Variants in CDH23 observed in about 807,000 individuals in gnomAD.
CDH23 encodes cadherin-23.
Under a neutral mutation model 317.1 loss-of-function variants are expected in CDH23, and 189 were observed. The ratio of observed to expected loss-of-function variants is 0.60; its 90% CI spans 0.53 to 0.67. CDH23 has a LOEUF of 0.67. Ranked by LOEUF, CDH23 falls within the 30% of genes least tolerant of loss-of-function variation. The pLI, the probability that CDH23 is intolerant of heterozygous loss-of-function variation, is 0.00. For synonymous variants in CDH23, 1,839 were observed against 1,876.8 expected, an observed-to-expected ratio of 0.98 and a Z score of 0.52; for missense variants, 4,401 against 4,592.4, an observed-to-expected ratio of 0.96 and a Z score of 1.20.
intron 11 of CDH23, among the ~76,000 whole-genome samples, chr10:71,631,196 T>C (rs1490810584): frequency 6.6e-6 from 1 of 152,118 alleles, no homozygotes; most frequent in Non-Finnish European, 1.5e-5. Flanking sequence ...TGAACTGTGA[T>C]CACACCACTG....
At chr10:71,644,356 G>A (rs1325303615) in intron 12 of CDH23, among the ~76,000 whole-genome samples, 2 of 152,264 alleles carry the variant, frequency 1.3e-5, no homozygotes, top group East Asian at 1.9e-4. Context: ...TCTAAATGCA[G>A]CAAGTGTATT....
chr10:71,753,321 A>G, intron 38 of CDH23, among the ~76,000 whole-genome samples: 1 of 152,354 alleles, frequency 6.6e-6, no homozygotes, highest in South Asian at 2.1e-4. Flanking sequence ...GGCTTGACTT[A>G]CACAGTGTCA....
In CDH23 at chr10:71,551,860, TC is replaced by T. The variant is rs1158196137; in HGVS notation, c.430-14877del. On this transcript the variant is annotated intron_variant, in intron 6 of 69. Transcript: ENST00000224721. ...CACAACCCCTGCGGCAGGGCCCACCTCCCCCAGCAGGGACAGAGGCACCATC... is the reference window on the plus strand; with the variant it reads ...CACAACCCCTGCGGCAGGGCCCACCTCCCCAGCAGGGACAGAGGCACCATC... Among the ~76,000 whole-genome samples, 9 of 151,600 alleles carry T rather than the reference TC, an allele frequency of 5.9e-5. 1 individual carries two copies. Among genetic ancestry groups the T allele is most frequent in the Admixed American group, 4.6e-4 (7 of 15,260 alleles).
At chr10:71,468,231 C>T (rs887890035) in intron 3 of CDH23, among the ~76,000 whole-genome samples, 1 of 152,214 alleles carries the variant, frequency 6.6e-6, no homozygotes, top group Non-Finnish European at 1.5e-5. Flanking sequence ...TATGAAAAGA[C>T]AGGGTCCCGC....
chr10:71,485,030 T>TC (rs1317125033), intron 3 of CDH23, among the ~76,000 whole-genome samples: 2 of 148,826 alleles, frequency 1.3e-5, no homozygotes, highest in Non-Finnish European at 3.0e-5. Flanking sequence ...TTTCTTTTTT[T>TC]TTTTTTTTTT....
intron 69 of CDH23, 54 bp downstream of exon 69, chr10:71,813,402 C>A: frequency 7.0e-7 from 1 of 1,431,908 alleles, no homozygotes; most frequent in Non-Finnish European, 9.6e-7. Context: ...TGGGGATGCT[C>A]TCTGTCTCTT....
intron 3 of CDH23, among the ~76,000 whole-genome samples, chr10:71,489,578 A>C (rs1852533102): frequency 6.9e-6 from 1 of 145,586 alleles, no homozygotes; most frequent in African/African-American, 2.6e-5. Flanking sequence ...TTAGGTTTTC[A>C]TTCACAGTGC....
intron 6 of CDH23, among the ~76,000 whole-genome samples, chr10:71,546,402 T>A (rs1326443623): frequency 6.6e-6 from 1 of 152,128 alleles, no homozygotes; most frequent in Non-Finnish European, 1.5e-5. Context: ...GCAAGGCAGT[T>A]GTGGAGTTTT....
chr10:71,479,899 T>A (rs1044402661), intron 3 of CDH23, among the ~76,000 whole-genome samples: 8 of 152,122 alleles, frequency 5.3e-5, no homozygotes, highest in African/African-American at 2.4e-5. Flanking sequence ...GAGATGATGT[T>A]CCTGTTAGTA....
intron 14 of CDH23, 21 bp downstream of exon 14, chr10:71,646,638 A>G (rs1862891088): frequency 6.2e-6 from 10 of 1,613,980 alleles, no homozygotes; most frequent in Non-Finnish European, 8.5e-6. Flanking sequence ...GCTTCACTGC[A>G]GGGCCACTGA....
intron 6 of CDH23, among the ~76,000 whole-genome samples, chr10:71,517,785 GA>G (rs1854421379): frequency 6.6e-6 from 1 of 152,326 alleles, no homozygotes; most frequent in East Asian, 1.9e-4. Flanking sequence ...AGGGGCTCTG[GA>G]CTCCTGCAGG....
In CDH23 at chr10:71,505,460, T is replaced by C. The variant is rs570017393; in HGVS notation, c.146-4622T>C. Among the ~76,000 whole-genome samples the C allele has an allele frequency of 5.2e-4, 79 of 152,352 alleles. 1 individual carries two copies. The South Asian group carries it at 0.016, about 31-fold the overall frequency. ...TGGTAGACAAGGTCATCCTTATCTA[T>C]CATCTTCCACAGTAACTCGGCGAGC... On this transcript the variant is annotated intron_variant, in intron 3 of 69. Coordinates refer to ENST00000224721, the MANE Select transcript of CDH23 (RefSeq NM_022124.6).
intron 3 of CDH23, among the ~76,000 whole-genome samples, chr10:71,487,487 C>T (rs1399889722): frequency 6.6e-6 from 1 of 152,170 alleles, no homozygotes; most frequent in Non-Finnish European, 1.5e-5. Flanking sequence ...AAACTGCAAA[C>T]AGCGGTTCTT....
intron 50 of CDH23, 76 bp downstream of exon 50, chr10:71,798,654 C>A: frequency 1.7e-6 from 2 of 1,169,392 alleles, no homozygotes; most frequent in Non-Finnish European, 2.4e-6. Context: ...GAGACCACAG[C>A]CCCTCTGTGG....
chr10:71,449,994 C>T (rs905218693), intron 3 of CDH23, among the ~76,000 whole-genome samples: 1 of 152,236 alleles, frequency 6.6e-6, no homozygotes, highest in African/African-American at 2.4e-5. Context: ...GCTGCCTTCT[C>T]CTGGTCTGTT....
In CDH23 at chr10:71,809,874, G is replaced by A; in HGVS notation, c.8777G>A (p.Gly2926Asp). The change falls in exon 61 of 70, where the codon GGC becomes GAC. Residue 2926 changes from glycine (G) to aspartate (D), a missense_variant. Coordinates refer to ENST00000224721, the MANE Select transcript of CDH23 (RefSeq NM_022124.6). ...TFDLFMAYSP[G>D]YFVVDIVARD... ...GACCTCTTCATGGCCTACAGCCCCGGCTACTTCGTGGTGGACATTGTGGCC... is the reference window on the plus strand; with the variant it reads ...GACCTCTTCATGGCCTACAGCCCCGACTACTTCGTGGTGGACATTGTGGCC... 1 of 1,613,344 alleles carries A rather than the reference G, an allele frequency of 6.2e-7. No individual in the cohort carries two copies.
intron 3 of CDH23, among the ~76,000 whole-genome samples, chr10:71,501,941 C>T (rs1422251333): frequency 1.3e-5 from 2 of 152,210 alleles, no homozygotes; most frequent in Non-Finnish European, 2.9e-5. Context: ...TCAGAAAACC[C>T]TGGCCATACC....
chr10:71,480,023 C>T (rs1429715579), intron 3 of CDH23, among the ~76,000 whole-genome samples: 2 of 152,098 alleles, frequency 1.3e-5, no homozygotes, highest in East Asian at 1.9e-4. Flanking sequence ...AGTCCCATGA[C>T]TCTGCTGCTG....
At chr10:71,523,417 C>G (rs945401245) in intron 6 of CDH23, among the ~76,000 whole-genome samples, 3 of 152,252 alleles carry the variant, frequency 2.0e-5, no homozygotes, top group South Asian at 2.1e-4. Flanking sequence ...ACTACCAAAC[C>G]TTAGAAAAAA....
Sources: gnomAD v4.1 joint callset for allele counts (sites outside exome capture counted in the v4.1 genomes callset) on GRCh38, gnomAD v4.1.1 for gene constraint, MANE v1.5 for transcripts, NCBI Gene and HGNC (gene_info 2026-07-23, HGNC 2026-07-21) for gene names.